Variants in ECSCR observed in about 807,000 individuals in gnomAD.
ECSCR encodes the protein endothelial cell-specific chemotaxis regulator.
In ECSCR, 12 loss-of-function variants were observed where a neutral mutation model predicts 16.7. That is an observed-to-expected ratio of 0.72 (90% CI 0.46 to 1.17). ECSCR has a LOEUF of 1.17. Ranked by LOEUF, ECSCR falls within the 50% of genes most tolerant of loss-of-function variation. ECSCR has a pLI of 0.00. For missense variants in ECSCR, 122 were observed against 116.1 expected (o/e 1.05, Z -0.23); for synonymous variants, 44 against 42.2 (o/e 1.04, Z -0.17).
intron 1 of ECSCR, among the ~76,000 whole-genome samples, chr5:139,460,280 C>T (rs189650458): frequency 2.4e-4 from 36 of 152,146 alleles, no homozygotes; most frequent in African/African-American, 6.7e-4. Context: ...GGATTACAGG[C>T]GCCTGCCACC....
intron 1 of ECSCR, among the ~76,000 whole-genome samples, chr5:139,461,173 G>A (rs1751293672): frequency 6.6e-6 from 1 of 152,124 alleles, no homozygotes; most frequent in Admixed American, 6.6e-5. Flanking sequence ...AAATAACTAA[G>A]TAAAATGCAA....
intron 2 of ECSCR, 98 bp from the exon 3 acceptor site, chr5:139,457,905 T>C (rs1359695019): frequency 7.5e-7 from 1 of 1,333,720 alleles, no homozygotes. Context: ...CCCTACCCCA[T>C]CCCCCACCCC....
Position 139,454,807 on chromosome 5 carries a change from C to T in ECSCR, c.475+18G>A, listed in dbSNP as rs1751121661. On this transcript the variant is annotated intron_variant, in intron 7 of 9. Transcript: ENST00000618155. ...CGCCAGCAGAGGGGAAAAAGATCCCCGAGGGCAGGGCACGCACCTTCAGAC... is the reference window on the plus strand; with the variant it reads ...CGCCAGCAGAGGGGAAAAAGATCCCTGAGGGCAGGGCACGCACCTTCAGAC... 1.3e-5 allele frequency: 5 copies of T among 398,462 alleles called. No individual in the cohort carries two copies. Among genetic ancestry groups the T allele is most frequent in the South Asian group, 2.5e-4 (2 of 7,858 alleles). 24.7% of individuals were successfully genotyped at this position (398,462 alleles called of 1,614,324 possible).
intron 8 of ECSCR, among the ~76,000 whole-genome samples, chr5:139,454,030 G>A (rs1029889568): frequency 2.7e-5 from 4 of 147,722 alleles, no homozygotes; most frequent in Admixed American, 2.7e-4. Flanking sequence ...TGGGATATGT[G>A]TGGTGTGTGG....
At chr5:139,451,643 G>A (rs1751051747) in intron 8 of ECSCR, among the ~76,000 whole-genome samples, 1 of 147,626 alleles carries the variant, frequency 6.8e-6, no homozygotes, top group African/African-American at 2.5e-5. Flanking sequence ...TGTGGTGTAT[G>A]TATGTTGTTT....
At chr5:139,460,520 T>C (rs1561477301) in intron 1 of ECSCR, among the ~76,000 whole-genome samples, 1 of 152,142 alleles carries the variant, frequency 6.6e-6, no homozygotes, top group Non-Finnish European at 1.5e-5. Context: ...CCTTCCTGCA[T>C]TTATCTAGAA....
intron 7 of ECSCR, 42 bp from the exon 8 acceptor site, chr5:139,454,680 A>T: frequency 2.5e-6 from 1 of 398,354 alleles, no homozygotes; most frequent in East Asian, 3.6e-5. Flanking sequence ...CACATGCTGT[A>T]ACTCAGAAGT....
intron 2 of ECSCR, 45 bp from the exon 3 acceptor site, chr5:139,457,852 G>A (rs1751194552): frequency 3.2e-6 from 5 of 1,562,006 alleles, no homozygotes; most frequent in Non-Finnish European, 4.4e-6. Flanking sequence ...GCCTCCTACT[G>A]TTCCATCTCC....
chr5:139,450,909 T>G (rs936542034), intron 8 of ECSCR, among the ~76,000 whole-genome samples: 8 of 152,236 alleles, frequency 5.3e-5, no homozygotes, highest in Non-Finnish European at 1.0e-4. Context: ...AGATAATGTC[T>G]TTTTATATTA....
chr5:139,460,136 T>G (rs1354430228), intron 1 of ECSCR, among the ~76,000 whole-genome samples: 1 of 151,964 alleles, frequency 6.6e-6, no homozygotes, highest in Non-Finnish European at 1.5e-5. Flanking sequence ...ATTTTTTGTT[T>G]TTTTTTTTTC....
At chr5:139,457,064 A>G (rs984264536) in intron 4 of ECSCR, among the ~76,000 whole-genome samples, 8 of 152,132 alleles carry the variant, frequency 5.3e-5, no homozygotes, top group Non-Finnish European at 1.0e-4. Flanking sequence ...GAGGAAGCAC[A>G]CTCGGGCCTG....
rs1383665279 is a variant in ECSCR, at chr5:139,458,881, C to T, written c.62-698G>A. Among the ~76,000 whole-genome samples, 7 of 151,114 alleles carry T rather than the reference C, an allele frequency of 4.6e-5. No homozygotes were observed. In the East Asian group the frequency reaches 1.4e-3, roughly 29 times the overall value. ...AAAAAGAAAAGAAAACAGAAAAAAA[C>T]GTTTTGGCTTTCTAAGCCTACCATG... On this transcript the variant is annotated intron_variant, in intron 1 of 9. Transcript: ENST00000618155.
intron 7 of ECSCR, 42 bp downstream of exon 7, chr5:139,454,783 G>GC (rs1307715786): frequency 2.5e-6 from 1 of 398,234 alleles, no homozygotes; most frequent in African/African-American, 2.1e-5. Context: ...CCCTGGGTCC[G>GC]CCAGCAGAGG....
At chr5:139,457,892 T>C in intron 2 of ECSCR, 85 bp from the exon 3 acceptor site, 1 of 1,437,994 alleles carries the variant, frequency 7.0e-7, no homozygotes, top group Non-Finnish European at 9.6e-7. Context: ...TGTGTGTCTT[T>C]CTCCCTACCC....
At chr5:139,458,500 CAAAAAAAAAAAAAAAAAAAAAAA>C (rs397882364) in intron 1 of ECSCR, among the ~76,000 whole-genome samples, 1 of 85,382 alleles carries the variant, frequency 1.2e-5, no homozygotes, top group Non-Finnish European at 1.9e-5. Flanking sequence ...CCTATCTCAA[CAAAAAAAAAAAAAAAAAAAAAAA>C]AAAAAAAAAA....
intron 1 of ECSCR, among the ~76,000 whole-genome samples, chr5:139,460,229 G>A (rs556542217): frequency 7.1e-4 from 108 of 151,570 alleles, no homozygotes; most frequent in African/African-American, 2.4e-3. Context: ...TCCGCCTCCC[G>A]GGCTCAAGCT....
chr5:139,458,153 G>T lies in ECSCR; in HGVS notation c.92C>A (p.Thr31Asn), dbSNP rs1171728332. 1 of 1,549,744 alleles carries T rather than the reference G, an allele frequency of 6.5e-7. No individual in the cohort carries two copies. Among genetic ancestry groups the T allele is most frequent in the Admixed American group, 2.0e-5 (1 of 50,994 alleles). Residue 31 changes from threonine to asparagine, a missense_variant, in exon 2 of 10, where the codon ACC (threonine) becomes AAC (asparagine). Transcript: ENST00000618155. The stretch of plus-strand genomic sequence containing the variant: ...TTTGGTCTTACCCTGAGAGCTAGAG[G>T]TCTGGGTCATTGTGGGCTGGGAGTT... ...GHNSQPTMTQ[T>N]SSSQGGLGGL...
chr5:139,448,937 G>C (rs770972034), intron 9 of ECSCR, 29 bp from the exon 10 acceptor site: 3 of 1,537,246 alleles, frequency 2.0e-6, no homozygotes, highest in Non-Finnish European at 2.6e-6. Flanking sequence ...ATGGGGAAGG[G>C]TGAACTTTTT....
chr5:139,457,771 A>G lies in ECSCR; in HGVS notation c.143T>C (p.Val48Ala). 6.2e-7 allele frequency: 1 copy of G among 1,612,680 alleles called. No individual in the cohort carries two copies. Among genetic ancestry groups the G allele is most frequent in the Non-Finnish European group, 8.5e-7 (1 of 1,179,348 alleles). Residue 48 changes from valine to alanine, a missense_variant, in exon 3 of 10, where the codon GTT (valine) becomes GCT (alanine). Physicochemically the swap from Val to Ala is moderately conservative, Grantham distance 64. Coordinates refer to ENST00000618155, the MANE Select transcript of ECSCR (RefSeq NM_001077693.4). ...LGGLSLTTEP[V>A]SSNPGYIPSS... ...CACTCACTCACCTGGGTTGGAAGAA[A>G]CTGGCTCTGTGGTCAGACTTAGACC...
Sources: allele counts gnomAD v4.1 joint callset (sites outside exome capture counted in the v4.1 genomes callset), GRCh38; gene constraint gnomAD v4.1.1; transcripts MANE v1.5; gene names NCBI Gene and HGNC (gene_info 2026-07-23, HGNC 2026-07-21).